Variants in KAT14 observed in about 807,000 individuals in gnomAD.
KAT14 encodes cysteine-rich protein 2-binding protein.
In KAT14, 66 loss-of-function variants were observed where a neutral mutation model predicts 78.4. The observed-to-expected ratio is 0.84, with a 90% confidence interval of 0.69 to 1.03. KAT14 has a LOEUF of 1.03. Ranked by LOEUF, KAT14 falls within the 50% of genes least tolerant of loss-of-function variation. KAT14 has a pLI of 0.00. For synonymous variants in KAT14, 344 were observed against 359.4 expected (o/e 0.96, Z 0.48); for missense variants, 870 against 972.5 (o/e 0.89, Z 1.40).
chr20:18,184,875 C>T, intron 10 of KAT14, 83 bp downstream of exon 10: 2 of 1,431,182 alleles, frequency 1.4e-6, no homozygotes, highest in East Asian at 2.5e-5. Flanking sequence ...TGAGCTAGCC[C>T]TTCCCAGCAT....
At chr20:18,140,664 T>G (rs963812416) in intron 1 of KAT14, among the ~76,000 whole-genome samples, 2 of 151,194 alleles carry the variant, frequency 1.3e-5, no homozygotes, top group Admixed American at 1.3e-4. Flanking sequence ...ACAAAAAAAT[T>G]AGCCAGGCCT....
chr20:18,183,572 T>A lies in KAT14; in HGVS notation c.1981+274T>A, dbSNP rs576519230. On this transcript the variant is annotated intron_variant, in intron 9 of 10. Coordinates refer to ENST00000688188, the MANE Select transcript of KAT14 (RefSeq NM_001392073.1). ...ATCCTGTTTTGCTTCTGCATATGTT[T>A]AGATACCAGGTAATGTCTATCAAAG... 44 of 978,012 alleles carry A rather than the reference T, an allele frequency of 4.5e-5. No homozygotes were observed. The African/African-American group carries it at 7.7e-4, about 17-fold the overall frequency. The allele number at this position is 978,012 out of a possible 1,614,324, so 60.6% of individuals were successfully genotyped here.
At chr20:18,138,514 A>G (rs1168247929) in intron 1 of KAT14, 1 of 948,532 alleles carries the variant, frequency 1.1e-6, no homozygotes, top group Non-Finnish European at 1.3e-6. Flanking sequence ...GGTTGGGGTT[A>G]AAGCCTAATG....
At chr20:18,182,183 G>A (rs2039283543) in intron 8 of KAT14, among the ~76,000 whole-genome samples, 1 of 151,508 alleles carries the variant, frequency 6.6e-6, no homozygotes, top group Admixed American at 6.6e-5. Flanking sequence ...CTGCAGTGGT[G>A]CAATCTTGGC....
Position 18,187,840 on chromosome 20 carries a change from T to G in KAT14, c.*381T>G. On this transcript the variant is annotated 3_prime_UTR_variant, in exon 11 of 11. Coordinates refer to ENST00000688188, the MANE Select transcript of KAT14 (RefSeq NM_001392073.1). Reference sequence around the variant, plus strand: ...AAAATGTGGTGTAGCTATTAAAGATTCATGCAGTCCCAAAAGGCACTGTCC... The same window carrying G: ...AAAATGTGGTGTAGCTATTAAAGATGCATGCAGTCCCAAAAGGCACTGTCC... 1 of 253,542 alleles carries G rather than the reference T, an allele frequency of 3.9e-6. No homozygotes were observed. Among genetic ancestry groups the G allele is most frequent in the Non-Finnish European group, 7.5e-6 (1 of 132,986 alleles). The allele number at this position is 253,542 out of a possible 1,614,324, so 15.7% of individuals were successfully genotyped here.
Position 18,137,922 on chromosome 20 carries a change from G to A in KAT14, c.-583G>A, listed in dbSNP as rs1288968914. 2 of 1,470,876 alleles carry A rather than the reference G, an allele frequency of 1.4e-6. No homozygotes were observed. Among genetic ancestry groups the A allele is most frequent in the Non-Finnish European group, 1.8e-6 (2 of 1,117,992 alleles). The allele number at this position is 1,470,876 out of a possible 1,614,324, so 91.1% of individuals were successfully genotyped here. ...GCGGCGGCCTCTGCGCCTCGGGCGG[G>A]CGGGAGAGAGAGGCCGCGGCCGCCA... On this transcript the variant is annotated 5_prime_UTR_variant, in exon 1 of 11. Coordinates refer to ENST00000688188, the MANE Select transcript of KAT14 (RefSeq NM_001392073.1).
chr20:18,157,343 G>A (rs1009193468), intron 4 of KAT14, among the ~76,000 whole-genome samples: 3 of 152,160 alleles, frequency 2.0e-5, no homozygotes, highest in Admixed American at 2.0e-4. Flanking sequence ...AACCTCCCAA[G>A]TAGCTGGGAC....
At chr20:18,179,781 C>T (rs1568674503) in intron 7 of KAT14, among the ~76,000 whole-genome samples, 1 of 152,234 alleles carries the variant, frequency 6.6e-6, no homozygotes, top group Non-Finnish European at 1.5e-5. Flanking sequence ...TTCTTTTCTA[C>T]TGCATTGTCA....
At chr20:18,173,005 A>G (rs1236170968) in intron 7 of KAT14, among the ~76,000 whole-genome samples, 1 of 152,124 alleles carries the variant, frequency 6.6e-6, no homozygotes, top group Non-Finnish European at 1.5e-5. Context: ...AGAGGGTGTG[A>G]AGTTAGGTAT....
intron 7 of KAT14, among the ~76,000 whole-genome samples, chr20:18,173,911 T>C (rs1180122634): frequency 6.6e-6 from 1 of 152,198 alleles, no homozygotes; most frequent in Non-Finnish European, 1.5e-5. Context: ...ATTCACAAAG[T>C]TGAACCATAA....
intron 4 of KAT14, among the ~76,000 whole-genome samples, chr20:18,152,857 T>C (rs2038097920): frequency 6.6e-6 from 1 of 152,250 alleles, no homozygotes; most frequent in Non-Finnish European, 1.5e-5. Context: ...TGCTGCTGTG[T>C]GCTCTCCCCA....
chr20:18,162,250 G>C lies in KAT14; in HGVS notation c.1099+11G>C. ...AAGCCTTGTTTCATGGTAAGAGTTTGTTTGCTTTGCTCTTTTATTTTGGGT... is the reference window on the plus strand; with the variant it reads ...AAGCCTTGTTTCATGGTAAGAGTTTCTTTGCTTTGCTCTTTTATTTTGGGT... On this transcript the variant is annotated intron_variant, in intron 6 of 10. Coordinates refer to ENST00000688188, the MANE Select transcript of KAT14 (RefSeq NM_001392073.1). 1.2e-6 allele frequency: 2 copies of C among 1,613,568 alleles called. No homozygotes were observed. Among genetic ancestry groups the C allele is most frequent in the South Asian group, 1.1e-5 (1 of 91,080 alleles).
At chr20:18,167,572 G>T (rs2038684977) in intron 7 of KAT14, among the ~76,000 whole-genome samples, 2 of 152,158 alleles carry the variant, frequency 1.3e-5, no homozygotes, top group Non-Finnish European at 1.5e-5. Context: ...CTTTAGCTGT[G>T]ATTCTTGACT....
chr20:18,138,129 C>G (rs939973808), intron 1 of KAT14, 78 bp downstream of exon 1: 5 of 1,382,962 alleles, frequency 3.6e-6, no homozygotes, highest in Non-Finnish European at 2.8e-6. Context: ...TCTGCCCGCT[C>G]GGTTCCTCAG....
intron 4 of KAT14, among the ~76,000 whole-genome samples, chr20:18,156,658 G>A (rs1292399928): frequency 6.6e-6 from 1 of 152,148 alleles, no homozygotes; most frequent in Non-Finnish European, 1.5e-5. Context: ...TTTGAAGGCT[G>A]TGAGGGAGAG....
rs184188207 is a variant in KAT14, at chr20:18,164,446, C to G, written c.1668+1501C>G. 3.5e-4 allele frequency among the ~76,000 whole-genome samples: 54 copies of G among 152,240 alleles called. 1 individual carries two copies. In the South Asian group the frequency reaches 0.011, roughly 30 times the overall value. ...AGCCTCACAATCCATAGTCATACCC[C>G]CCAGGCTCTAAGCCTGATGCCTTAG... On this transcript the variant is annotated intron_variant, in intron 7 of 10. Transcript: ENST00000688188.
At chr20:18,174,654 C>G (rs1040251243) in intron 7 of KAT14, among the ~76,000 whole-genome samples, 1 of 142,156 alleles carries the variant, frequency 7.0e-6, no homozygotes, top group African/African-American at 2.5e-5. Context: ...CTTTTGTTTT[C>G]TTGCTTTTTT....
intron 1 of KAT14, among the ~76,000 whole-genome samples, chr20:18,138,958 T>C (rs1403499747): frequency 6.6e-6 from 1 of 152,152 alleles, no homozygotes; most frequent in Non-Finnish European, 1.5e-5. Flanking sequence ...TTGGCAGTGA[T>C]TGGGGTTGAA....
intron 5 of KAT14, among the ~76,000 whole-genome samples, chr20:18,160,136 G>A (rs548297439): frequency 2.6e-5 from 4 of 152,272 alleles, no homozygotes; most frequent in Non-Finnish European, 4.4e-5. Flanking sequence ...CCTGACCTCA[G>A]GCGATCCACC....
Sources: gnomAD v4.1 joint callset for allele counts (sites outside exome capture counted in the v4.1 genomes callset) on GRCh38, gnomAD v4.1.1 for gene constraint, MANE v1.5 for transcripts, NCBI Gene and HGNC (gene_info 2026-07-23, HGNC 2026-07-21) for gene names.